Variants in AGBL3 observed in about 807,000 individuals in gnomAD.
AGBL3 encodes cytosolic carboxypeptidase 3.
AGBL3 carries 68 observed loss-of-function variants against 94.5 expected under a neutral mutation model. That is an observed-to-expected ratio of 0.72 (90% confidence interval 0.59 to 0.88). The LOEUF is 0.88. Among genes scored for constraint, AGBL3 ranks in the 40% least tolerant of loss-of-function variants. AGBL3 has a pLI of 0.00. For synonymous variants in AGBL3, 354 were observed against 370.7 expected, an observed-to-expected ratio of 0.95 and a Z score of 0.52; for missense variants, 934 against 1,103.8, an observed-to-expected ratio of 0.85 and a Z score of 2.18.
At chr7:134,998,726 C>T (rs1322242653) in intron 4 of AGBL3, among the ~76,000 whole-genome samples, 3 of 152,124 alleles carry the variant, frequency 2.0e-5, no homozygotes, top group Non-Finnish European at 4.4e-5. Flanking sequence ...CAGTCCACCC[C>T]GTTAGGCCCA....
At position 135,117,803 on chromosome 7, in the gene AGBL3, G is replaced by T. The variant is rs183681130; in HGVS notation, c.2342+2192G>T. On this transcript the variant is annotated intron_variant, in intron 16 of 16. Coordinates refer to ENST00000436302, the MANE Select transcript of AGBL3 (RefSeq NM_178563.4). ...CTCAGGCACAATTTGCCCTTCTCTG[G>T]GGACTGCCTCTTGATCCACAAGGGT... Among the ~76,000 whole-genome samples the T allele has an allele frequency of 3.9e-5, 6 of 152,262 alleles. No individual in the cohort carries two copies. The East Asian group carries it at 1.2e-3, about 29-fold the overall frequency.
At chr7:135,122,007 C>A (rs1242337740) in intron 16 of AGBL3, among the ~76,000 whole-genome samples, 2 of 152,226 alleles carry the variant, frequency 1.3e-5, no homozygotes, top group Non-Finnish European at 2.9e-5. Context: ...TCTGCTTAAG[C>A]CTACAGAGCT....
At chr7:134,986,951 C>T (rs571936342) in intron 1 of AGBL3, among the ~76,000 whole-genome samples, 11 of 152,352 alleles carry the variant, frequency 7.2e-5, no homozygotes, top group African/African-American at 2.4e-4. Context: ...GGATAAGGGC[C>T]GTTTCCTGAG....
chr7:135,041,201 T>A (rs1816824772), intron 8 of AGBL3, among the ~76,000 whole-genome samples: 1 of 152,176 alleles, frequency 6.6e-6, no homozygotes, highest in African/African-American at 2.4e-5. Context: ...CTCCCCAAGT[T>A]GATCTGTAGA....
At chr7:135,002,034 A>G (rs900165128) in intron 4 of AGBL3, among the ~76,000 whole-genome samples, 1 of 151,772 alleles carries the variant, frequency 6.6e-6, no homozygotes, top group Non-Finnish European at 1.5e-5. Context: ...AGGTTTGTCA[A>G]CTCCTACCCT....
chr7:135,090,303 T>C (rs1050097623), intron 15 of AGBL3, among the ~76,000 whole-genome samples: 1 of 152,108 alleles, frequency 6.6e-6, no homozygotes, highest in African/African-American at 2.4e-5. Flanking sequence ...AGCAGAGCAA[T>C]GACTCCATTT....
chr7:135,093,285 G>A (rs573478397), intron 15 of AGBL3: 40 of 151,482 alleles, frequency 2.6e-4, no homozygotes, highest in African/African-American at 9.2e-4. Context: ...TAGAAAATCC[G>A]AAGGAACACA....
intron 11 of AGBL3, chr7:135,051,060 T>A: frequency 2.3e-6 from 1 of 438,800 alleles, no homozygotes; most frequent in South Asian, 1.6e-5. Flanking sequence ...AAAAGCAGTA[T>A]AATAAAAGGT....
At chr7:135,016,645 A>T (rs1813843300) in intron 4 of AGBL3, among the ~76,000 whole-genome samples, 1 of 152,154 alleles carries the variant, frequency 6.6e-6, no homozygotes. Flanking sequence ...ATAAACCTGA[A>T]CATGTTTATA....
chr7:135,051,636 T>C (rs1817885569), intron 11 of AGBL3, among the ~76,000 whole-genome samples: 1 of 152,136 alleles, frequency 6.6e-6, no homozygotes, highest in Admixed American at 6.6e-5. Flanking sequence ...ATATGTGTTT[T>C]CATGAGAAAA....
chr7:135,007,751 T>C (rs1404649383), intron 4 of AGBL3, among the ~76,000 whole-genome samples: 2 of 151,964 alleles, frequency 1.3e-5, no homozygotes, highest in Admixed American at 6.6e-5. Flanking sequence ...ATTTTGTACA[T>C]AGAAAATCCT....
intron 5 of AGBL3, among the ~76,000 whole-genome samples, chr7:135,022,076 A>G (rs1814557574): frequency 6.6e-6 from 1 of 152,166 alleles, no homozygotes; most frequent in Non-Finnish European, 1.5e-5. Flanking sequence ...ATTGATGGAC[A>G]TTTGGGTTGG....
intron 16 of AGBL3, among the ~76,000 whole-genome samples, chr7:135,126,979 C>T (rs1438027938): frequency 6.6e-6 from 1 of 152,178 alleles, no homozygotes; most frequent in Non-Finnish European, 1.5e-5. Context: ...CATGACAAAA[C>T]ACCAAAAGCA....
chr7:135,013,170 T>G (rs1210260567), intron 4 of AGBL3, among the ~76,000 whole-genome samples: 1 of 152,132 alleles, frequency 6.6e-6, no homozygotes, highest in African/African-American at 2.4e-5. Context: ...ATGAAAACAT[T>G]TTTCAACATG....
At chr7:135,077,561 C>A (rs1391625453) in intron 13 of AGBL3, among the ~76,000 whole-genome samples, 1 of 152,014 alleles carries the variant, frequency 6.6e-6, no homozygotes, top group East Asian at 1.9e-4. Flanking sequence ...TAAGGACAGT[C>A]TCAAAAGCAG....
intron 16 of AGBL3, among the ~76,000 whole-genome samples, chr7:135,130,563 T>C (rs1222896623): frequency 1.3e-5 from 2 of 151,860 alleles, no homozygotes; most frequent in Non-Finnish European, 2.9e-5. Context: ...ACACATGTTT[T>C]TATTTCCTCT....
At position 135,096,558 on chromosome 7, in the gene AGBL3, A is replaced by AGATAGATAGATAGAT. The variant is rs1822770203; in HGVS notation, c.2110+14768_2110+14769insGATAGATAGATAGAT. ...AAAAAGAAAAAGAAAGAAAGAAAGA[A>AGATAGATAGATAGAT]AGATAGATAGATAGATAGATAGATA... On this transcript the variant is annotated intron_variant, in intron 15 of 16. Transcript: ENST00000436302. Among the ~76,000 whole-genome samples, 109 of 79,762 alleles carry AGATAGATAGATAGAT rather than the reference A, an allele frequency of 1.4e-3. 1 individual carries two copies. Among genetic ancestry groups the AGATAGATAGATAGAT allele is most frequent in the African/African-American group, 4.4e-3 (96 of 21,640 alleles). 52.3% of individuals were successfully genotyped at this position (79,762 alleles called of 152,430 possible).
In AGBL3 at chr7:134,989,100, C is replaced by T. The variant is rs930458430; in HGVS notation, c.64-150C>T. On this transcript the variant is annotated intron_variant, in intron 2 of 16. Coordinates refer to ENST00000436302, the MANE Select transcript of AGBL3 (RefSeq NM_178563.4). ...ATTTGAAGTGTTGGGTGCATTGAGACCAGTAGCTGATAATAATCCTTTAAT... is the reference window on the plus strand; with the variant it reads ...ATTTGAAGTGTTGGGTGCATTGAGATCAGTAGCTGATAATAATCCTTTAAT... The T allele has an allele frequency of 3.7e-5, 21 of 574,512 alleles. 1 individual carries two copies. In the Admixed American group the frequency reaches 7.0e-4, roughly 19 times the overall value. 35.6% of individuals were successfully genotyped at this position (574,512 alleles called of 1,614,324 possible).
At chr7:135,087,380 T>C (rs762674420) in intron 15 of AGBL3, among the ~76,000 whole-genome samples, 12 of 151,962 alleles carry the variant, frequency 7.9e-5, no homozygotes, top group Non-Finnish European at 1.0e-4. Context: ...ATTTTTGGTT[T>C]GGTTTGTTCC....
Sources: allele counts gnomAD v4.1 joint callset (sites outside exome capture counted in the v4.1 genomes callset), GRCh38; gene constraint gnomAD v4.1.1; transcripts MANE v1.5; gene names NCBI Gene and HGNC (gene_info 2026-07-23, HGNC 2026-07-21).